The following AUTS2 variants were observed in gnomAD, a reference collection of about 807,000 sequenced individuals.
The protein encoded by AUTS2 is autism susceptibility gene 2 protein.
Under a neutral mutation model 112.4 loss-of-function variants are expected in AUTS2, and 17 were observed. That is an observed-to-expected ratio of 0.15 (90% CI 0.10 to 0.23). AUTS2 has a LOEUF of 0.23. Among genes scored for constraint, AUTS2 ranks in the 10% least tolerant of loss-of-function variants. The pLI is 1.00. For synonymous variants in AUTS2, 751 were observed against 702.7 expected (o/e 1.07, Z -1.09); for missense variants, 1,510 against 1,701.6 (o/e 0.89, Z 1.98).
chr7:70,486,715 C>T (rs1016149230), intron 5 of AUTS2, among the ~76,000 whole-genome samples: 3 of 151,992 alleles, frequency 2.0e-5, no homozygotes, highest in African/African-American at 7.2e-5. Context: ...GCCAAGATCA[C>T]GCCACTGCAC....
chr7:70,203,952 T>A (rs1384088229), intron 4 of AUTS2, among the ~76,000 whole-genome samples: 1 of 148,918 alleles, frequency 6.7e-6, no homozygotes, highest in Non-Finnish European at 1.5e-5. Context: ...ATTAAAAAAA[T>A]TTTTAAGCCT....
At chr7:70,521,435 C>T (rs1171061365) in intron 5 of AUTS2, among the ~76,000 whole-genome samples, 1 of 152,154 alleles carries the variant, frequency 6.6e-6, no homozygotes, top group Non-Finnish European at 1.5e-5. Context: ...GCCCAAGTCA[C>T]CTGCAGCTCT....
chr7:70,455,138 T>C (rs753860173), intron 5 of AUTS2, among the ~76,000 whole-genome samples: 2 of 152,216 alleles, frequency 1.3e-5, no homozygotes, highest in Admixed American at 6.5e-5. Flanking sequence ...CCTTTGGTGC[T>C]GAAGTTGGTA....
chr7:70,298,005 GC>G (rs997766050), intron 4 of AUTS2, among the ~76,000 whole-genome samples: 23 of 152,064 alleles, frequency 1.5e-4, no homozygotes, highest in Admixed American at 1.1e-3. Context: ...AAAACCCAAA[GC>G]CTCTTTTTTT....
intron 2 of AUTS2, among the ~76,000 whole-genome samples, chr7:70,000,817 C>A (rs1407683503): frequency 3.3e-5 from 5 of 152,186 alleles, no homozygotes; most frequent in Non-Finnish European, 7.3e-5. Flanking sequence ...GGGCCATGGT[C>A]TCTCATTTTC....
chr7:69,901,162 T>C (rs1352355865), intron 2 of AUTS2, among the ~76,000 whole-genome samples: 2 of 152,136 alleles, frequency 1.3e-5, no homozygotes, highest in Admixed American at 1.3e-4. Flanking sequence ...AAAGCCTAAG[T>C]TCTATAAAAG....
chr7:70,157,348 G>A (rs1807836469), intron 4 of AUTS2, among the ~76,000 whole-genome samples: 1 of 151,948 alleles, frequency 6.6e-6, no homozygotes, highest in Non-Finnish European at 1.5e-5. Flanking sequence ...GTGTAATCTT[G>A]GCTCATTGCA....
chr7:70,476,016 G>A (rs1342307669), intron 5 of AUTS2, among the ~76,000 whole-genome samples: 9 of 152,096 alleles, frequency 5.9e-5, no homozygotes, highest in Admixed American at 5.9e-4. Flanking sequence ...GTGACAGAGT[G>A]AGACTGTGTC....
intron 5 of AUTS2, among the ~76,000 whole-genome samples, chr7:70,503,516 ATTTTTT>A (rs5884783): frequency 8.3e-6 from 1 of 120,214 alleles, no homozygotes; most frequent in Non-Finnish European, 1.7e-5. Flanking sequence ...CTCCCGTCTC[ATTTTTT>A]TTTTTTTTTT....
At chr7:70,086,871 A>T (rs1803632661) in intron 2 of AUTS2, among the ~76,000 whole-genome samples, 1 of 151,944 alleles carries the variant, frequency 6.6e-6, no homozygotes, top group Non-Finnish European at 1.5e-5. Context: ...GCTCTTTTTA[A>T]AATTTATTTG....
chr7:70,507,385 GA>G (rs953226548), intron 5 of AUTS2, among the ~76,000 whole-genome samples: 85 of 151,286 alleles, frequency 5.6e-4, no homozygotes, highest in Non-Finnish European at 6.8e-4. Context: ...TTTAAAATTA[GA>G]AAAAAAAGAA....
chr7:70,505,007 A>G (rs1448315849), intron 5 of AUTS2, among the ~76,000 whole-genome samples: 2 of 152,312 alleles, frequency 1.3e-5, no homozygotes, highest in South Asian at 2.1e-4. Context: ...GAACAGACCA[A>G]TACACTAAGC....
At chr7:69,652,967 C>G (rs1795358791) in intron 1 of AUTS2, among the ~76,000 whole-genome samples, 1 of 152,160 alleles carries the variant, frequency 6.6e-6, no homozygotes, top group Non-Finnish European at 1.5e-5. Context: ...GTTCGTAGTG[C>G]TTTAGCTAGG....
intron 4 of AUTS2, among the ~76,000 whole-genome samples, chr7:70,161,360 A>T (rs1808067455): frequency 6.6e-6 from 1 of 151,830 alleles, no homozygotes; most frequent in Non-Finnish European, 1.5e-5. Flanking sequence ...TAAATATGCG[A>T]CACTGGTCTC....
chr7:70,067,279 A>G (rs1415692147), intron 2 of AUTS2, among the ~76,000 whole-genome samples: 1 of 152,216 alleles, frequency 6.6e-6, no homozygotes, highest in Admixed American at 6.5e-5. Flanking sequence ...GTTTGGAATG[A>G]TGATAGAAAT....
intron 2 of AUTS2, among the ~76,000 whole-genome samples, chr7:69,982,207 C>A (rs1180881963): frequency 6.6e-6 from 1 of 152,112 alleles, no homozygotes; most frequent in Non-Finnish European, 1.5e-5. Context: ...GTGCAAGTAT[C>A]ATGGTCTGTG....
intron 1 of AUTS2, among the ~76,000 whole-genome samples, chr7:69,887,970 G>A (rs995599556): frequency 2.6e-5 from 4 of 152,064 alleles, no homozygotes; most frequent in Non-Finnish European, 4.4e-5. Context: ...GTTTATCCGG[G>A]ATATGGATGT....
At chr7:69,614,332 C>CTT (rs780046087) in intron 1 of AUTS2, among the ~76,000 whole-genome samples, 1 of 57,064 alleles carries the variant, frequency 1.8e-5, no homozygotes, top group Non-Finnish European at 3.9e-5. Flanking sequence ...TTCTTTCTTT[C>CTT]TTTCTTTCTT....
chr7:70,023,749 A>G (rs532076147), intron 2 of AUTS2, among the ~76,000 whole-genome samples: 11 of 152,336 alleles, frequency 7.2e-5, no homozygotes, highest in South Asian at 2.1e-4. Context: ...CTCCTCTGCT[A>G]TGGAGTAGCT....
Sources: allele counts gnomAD v4.1 joint callset (sites outside exome capture counted in the v4.1 genomes callset), GRCh38; gene constraint gnomAD v4.1.1; transcripts MANE v1.5; gene names NCBI Gene and HGNC (gene_info 2026-07-23, HGNC 2026-07-21).